GAB4: variants seen among roughly 807,000 people sequenced by gnomAD.
GAB4 encodes the protein GRB2-associated-binding protein 4.
GAB4 carries 26 observed loss-of-function variants against 51.3 expected under a neutral mutation model. The ratio of observed to expected loss-of-function variants is 0.51; its 90% CI spans 0.37 to 0.70. The LOEUF (loss-of-function observed/expected upper bound fraction) is 0.70. Ranked by LOEUF, GAB4 falls within the 30% of genes least tolerant of loss-of-function variation. GAB4 has a pLI of 0.00. For missense variants in GAB4, 759 were observed against 734.6 expected (o/e 1.03, Z -0.38); for synonymous variants, 329 against 291.2 (o/e 1.13, Z -1.32).
chr22:16,988,808 C>A (rs1307110608), intron 2 of GAB4, among the ~76,000 whole-genome samples: 5 of 152,174 alleles, frequency 3.3e-5, no homozygotes. Context: ...ATACCCACGA[C>A]CAAGGTATAT....
chr22:16,978,676 A>G (rs1384106817), intron 3 of GAB4, among the ~76,000 whole-genome samples: 2 of 151,996 alleles, frequency 1.3e-5, no homozygotes, highest in African/African-American at 4.8e-5. Flanking sequence ...TCCCTAACTC[A>G]TTTTGTGAGG....
At chr22:16,992,678 C>T (rs182382918) in intron 1 of GAB4, among the ~76,000 whole-genome samples, 2 of 152,284 alleles carry the variant, frequency 1.3e-5, no homozygotes, top group East Asian at 3.9e-4. Context: ...AGAAGAGTCA[C>T]AGAGAAACCC....
rs769136917 is a variant in GAB4, at chr22:16,962,550, G to A, written c.*183C>T. On this transcript the variant is annotated 3_prime_UTR_variant, in exon 10 of 10. Coordinates refer to ENST00000400588, the MANE Select transcript of GAB4 (RefSeq NM_001037814.1). The stretch of plus-strand genomic sequence containing the variant: ...GCTGGCAACTGCTCCTAGCAAGGGG[G>A]TGAAGGTGGGGACCATGGCCAGCCA... The A allele has an allele frequency of 2.2e-6, 1 of 456,886 alleles. No homozygotes were observed. Among genetic ancestry groups the A allele is most frequent in the Non-Finnish European group, 3.8e-6 (1 of 264,440 alleles). 28.3% of individuals were successfully genotyped at this position (456,886 alleles called of 1,614,324 possible).
chr22:16,965,145 C>T, intron 7 of GAB4, 33 bp downstream of exon 7: 1 of 1,550,814 alleles, frequency 6.4e-7, no homozygotes, highest in Non-Finnish European at 8.9e-7. Flanking sequence ...CCGGCCCGGT[C>T]CCAAGCTCCT....
At position 16,976,548 on chromosome 22, in the gene GAB4, G is replaced by A. The variant is rs142148273; in HGVS notation, c.687-6355C>T. Among the ~76,000 whole-genome samples, 613 of 152,316 alleles carry A rather than the reference G, an allele frequency of 4.0e-3. 5 individuals carry two copies. Among genetic ancestry groups the A allele is most frequent in the African/African-American group, 0.013 (555 of 41,566 alleles). On this transcript the variant is annotated intron_variant, in intron 3 of 9. Transcript: ENST00000400588. ...AAAGACCAAGCTACGTTTGATTGGT[G>A]TATGTGAAAATGACAGGGAAAATGG...
chr22:17,001,508 C>T (rs1224070101), intron 1 of GAB4, among the ~76,000 whole-genome samples: 7 of 152,262 alleles, frequency 4.6e-5, no homozygotes, highest in East Asian at 1.9e-4. Context: ...AAGGACTTCT[C>T]TATACTGTTT....
At chr22:17,007,777 G>C (rs2061053344) in intron 1 of GAB4, among the ~76,000 whole-genome samples, 164 bp downstream of exon 1, 1 of 152,120 alleles carries the variant, frequency 6.6e-6, no homozygotes, top group African/African-American at 2.4e-5. Flanking sequence ...CACAAACCTG[G>C]ACCCTGTCTC....
intron 2 of GAB4, among the ~76,000 whole-genome samples, chr22:16,990,686 A>G (rs1209652525): frequency 6.6e-6 from 1 of 152,132 alleles, no homozygotes. Flanking sequence ...TTATATGCAG[A>G]CCTGGGGGTC....
chr22:16,984,653 T>G (rs1295955638), intron 3 of GAB4, among the ~76,000 whole-genome samples: 1 of 152,228 alleles, frequency 6.6e-6, no homozygotes, highest in East Asian at 1.9e-4. Context: ...TCAAGCTGGT[T>G]AGGTTGAGAC....
intron 1 of GAB4, among the ~76,000 whole-genome samples, chr22:17,001,559 T>C (rs1462306487): frequency 6.6e-6 from 1 of 152,224 alleles, no homozygotes; most frequent in Non-Finnish European, 1.5e-5. Context: ...TCAAGATTTT[T>C]AGCTTCTTTG....
intron 3 of GAB4, among the ~76,000 whole-genome samples, chr22:16,974,361 T>C (rs1348374532): frequency 6.6e-6 from 1 of 152,186 alleles, no homozygotes; most frequent in African/African-American, 2.4e-5. Context: ...GAGAAACACA[T>C]GTTACCCCTG....
intron 3 of GAB4, 104 bp from the exon 4 acceptor site, chr22:16,970,297 G>C: frequency 7.7e-7 from 1 of 1,294,296 alleles, no homozygotes; most frequent in Non-Finnish European, 1.1e-6. Flanking sequence ...AGATGATATG[G>C]AGAAAACACA....
intron 1 of GAB4, among the ~76,000 whole-genome samples, chr22:16,996,460 C>T (rs2123714407): frequency 6.6e-6 from 1 of 152,180 alleles, no homozygotes; most frequent in South Asian, 2.1e-4. Context: ...ACAAAGACCA[C>T]CACCATGATA....
At chr22:16,969,846 ACT>A in intron 4 of GAB4, 95 bp downstream of exon 4, 1 of 1,414,100 alleles carries the variant, frequency 7.1e-7, no homozygotes, top group Non-Finnish European at 9.9e-7. Flanking sequence ...AATCTGGTGC[ACT>A]GAGAGTGGGG....
intron 2 of GAB4, among the ~76,000 whole-genome samples, chr22:16,989,705 T>G (rs2060898101): frequency 6.6e-6 from 1 of 152,206 alleles, no homozygotes; most frequent in South Asian, 2.1e-4. Context: ...TGAACACAGC[T>G]GCTGCCCAGG....
At position 16,966,239 on chromosome 22, in the gene GAB4, G is replaced by C; in HGVS notation, c.1149C>G (p.Cys383Trp). Reference sequence around the variant, plus strand: ...GAACAAGACATGAGCCCACAGGGATGCAGACACCCTGGGAATCATCGCCTG... The same window carrying C: ...GAACAAGACATGAGCCCACAGGGATCCAGACACCCTGGGAATCATCGCCTG... ...KQAGDDSQGV[C>W]IPVGSCLVRF... is the part of the protein sequence containing the mutation. Residue 383 changes from cysteine (C) to tryptophan (W), a missense_variant, in exon 6 of 10, where the codon TGC becomes TGG. Physicochemically the swap from Cys to Trp is radical, Grantham distance 215. Around this residue, in one of 3 missense-constraint regions of GAB4, gnomAD observed 588 missense variants for 510.2 expected, o/e 1.15. Transcript: ENST00000400588. 6.2e-7 allele frequency: 1 copy of C among 1,614,084 alleles called. No individual in the cohort carries two copies. Among genetic ancestry groups the C allele is most frequent in the African/African-American group, 1.3e-5 (1 of 75,040 alleles).
At position 16,966,252 on chromosome 22, in the gene GAB4, G is replaced by C. The variant is rs770477522; in HGVS notation, c.1136C>G (p.Ser379Cys). The C allele has an allele frequency of 6.2e-6, 10 of 1,614,010 alleles. No homozygotes were observed. In the Admixed American group the frequency reaches 1.2e-4, roughly 19 times the overall value. ...LPAVKQAGDD[S>C]QGVCIPVGSC... The stretch of plus-strand genomic sequence containing the variant: ...GCCCACAGGGATGCAGACACCCTGG[G>C]AATCATCGCCTGCTTGCTTCACAGC... Residue 379 changes from serine (S) to cysteine (C), a missense_variant, in exon 6 of 10, where the codon TCC becomes TGC. By Grantham distance (112) the Ser-to-Cys change is moderately radical. Transcript: ENST00000400588.
rs759120496 is a variant in GAB4, at chr22:17,007,960, TC to T, written c.154del (p.Glu52ArgfsTer4). The T allele has an allele frequency of 2.5e-6, 4 of 1,603,658 alleles. No homozygotes were observed. The highest frequency in any genetic ancestry group is 2.2e-5 in the South Asian group (2 of 90,278). On this transcript the variant is annotated frameshift_variant, in exon 1 of 10. Coordinates refer to ENST00000400588, the MANE Select transcript of GAB4 (RefSeq NM_001037814.1). LOFTEE classifies it high-confidence loss of function. ...YSGWLRKSPP[E>X]KKLRLFAWRK... ...ACTCACAAAGAGCCTCAGCTTCTTC[TC>T]GGGGGGCGACTTCCTCAGCCAGCCG...
At chr22:16,969,282 TTC>T (rs1179406613) in intron 4 of GAB4, among the ~76,000 whole-genome samples, 2 of 152,384 alleles carry the variant, frequency 1.3e-5, no homozygotes, top group African/African-American at 4.8e-5. Context: ...TCTCCTAAAC[TTC>T]TGTTTTAAGT....
Sources: allele counts gnomAD v4.1 joint callset (sites outside exome capture counted in the v4.1 genomes callset), GRCh38; gene constraint gnomAD v4.1.1; regional missense constraint gnomAD v4.1.1; transcripts MANE v1.5; gene names NCBI Gene and HGNC (gene_info 2026-07-23, HGNC 2026-07-21).